ALDH1L2: variants seen among roughly 807,000 people sequenced by gnomAD.
ALDH1L2 encodes aldehyde dehydrogenase 1 family member L2.
A neutral mutation model predicts 111.0 loss-of-function variants in ALDH1L2; 91 were observed. The observed-to-expected ratio is 0.82, with a 90% CI of 0.69 to 0.98. The LOEUF is 0.98. ALDH1L2 is among the 50% of genes least tolerant of loss of function. ALDH1L2 has a pLI of 0.00. For missense variants in ALDH1L2, 995 were observed against 1,126.8 expected (o/e 0.88, Z 1.67); for synonymous variants, 374 against 392.6 (o/e 0.95, Z 0.56).
chr12:105,066,714 A>G (rs1336059393), intron 4 of ALDH1L2, 45 bp from the exon 5 acceptor site: 3 of 1,528,320 alleles, frequency 2.0e-6, no homozygotes, highest in South Asian at 1.1e-5. Context: ...ATGATCAACA[A>G]TGGCATGGTC....
chr12:105,078,648 A>G (rs1308306468), intron 1 of ALDH1L2, among the ~76,000 whole-genome samples: 1 of 152,260 alleles, frequency 6.6e-6, no homozygotes, highest in Non-Finnish European at 1.5e-5. Context: ...TGCGACCCTT[A>G]CACTAAAGAT....
chr12:105,041,901 A>G (rs1875557470), intron 15 of ALDH1L2, among the ~76,000 whole-genome samples: 1 of 152,196 alleles, frequency 6.6e-6, no homozygotes, highest in Admixed American at 6.6e-5. Context: ...TTTCAGGCCC[A>G]ACAAGATATT....
intron 17 of ALDH1L2, among the ~76,000 whole-genome samples, chr12:105,039,384 T>G (rs1362741679): frequency 6.6e-6 from 1 of 152,186 alleles, no homozygotes; most frequent in African/African-American, 2.4e-5. Context: ...AATATATAAA[T>G]TTCACATTTA....
At chr12:105,037,085 A>C (rs1459286537) in intron 18 of ALDH1L2, among the ~76,000 whole-genome samples, 6 of 152,208 alleles carry the variant, frequency 3.9e-5, no homozygotes, top group Non-Finnish European at 8.8e-5. Context: ...TAGGCTGGAC[A>C]GTTGTACAGA....
At position 105,046,928 on chromosome 12, in the gene ALDH1L2, A is replaced by G; in HGVS notation, c.1728T>C (p.Asn576=). ...IPINQARPNR[N]LTFTKKEPLG... The stretch of plus-strand genomic sequence containing the variant: ...GTGGCTCTTTCTTGGTGAAGGTCAG[A>G]TTGCGATTTGGACGGGCCTGGTTGA... The change falls in exon 14 of 23, where the codon AAT becomes AAC. Residue 576 remains asparagine, a synonymous_variant. Coordinates refer to ENST00000258494, the MANE Select transcript of ALDH1L2 (RefSeq NM_001034173.4). 1 of 1,614,188 alleles carries G rather than the reference A, an allele frequency of 6.2e-7. No individual in the cohort carries two copies. Among genetic ancestry groups the G allele is most frequent in the African/African-American group, 1.3e-5 (1 of 75,040 alleles).
intron 13 of ALDH1L2, among the ~76,000 whole-genome samples, chr12:105,049,277 T>C (rs924226661): frequency 4.6e-5 from 7 of 152,196 alleles, no homozygotes; most frequent in African/African-American, 1.7e-4. Flanking sequence ...TCGGAAAATC[T>C]TGACTTCAAA....
At position 105,036,510 on chromosome 12, in the gene ALDH1L2, TATTTTA is replaced by T. The variant is rs1437445111; in HGVS notation, c.2145+1587_2145+1592del. 1.0e-3 allele frequency among the ~76,000 whole-genome samples: 73 copies of T among 71,672 alleles called. 6 individuals are homozygous for T. The highest frequency in any genetic ancestry group is 1.8e-3 in the Non-Finnish European group (63 of 35,468). The allele number at this position is 71,672 out of a possible 152,430, so 47.0% of individuals were successfully genotyped here. A position where few individuals can be genotyped will look rare whatever the true frequency, so the allele number is the denominator to read the frequency against. Reference sequence around the variant, plus strand: ...ACGTATATTTATATATGTATATATATATTTTATATATATATATATATATATATATAT... The same window carrying T: ...ACGTATATTTATATATGTATATATATTATATATATATATATATATATATAT... On this transcript the variant is annotated intron_variant, in intron 18 of 22. Transcript: ENST00000258494.
intron 1 of ALDH1L2, among the ~76,000 whole-genome samples, chr12:105,076,235 T>A (rs1014305319): frequency 6.6e-6 from 1 of 152,184 alleles, no homozygotes; most frequent in Non-Finnish European, 1.5e-5. Flanking sequence ...GACTCAGAAG[T>A]ACATGGAAGT....
intron 12 of ALDH1L2, 71 bp from the exon 13 acceptor site, chr12:105,050,129 C>T (rs1433096383): frequency 7.2e-7 from 1 of 1,394,950 alleles, no homozygotes; most frequent in Admixed American, 2.9e-5. Flanking sequence ...ATGCAGTATC[C>T]TAAGGACGGA....
rs1021008079 is a variant in ALDH1L2, at chr12:105,077,805, G to T, written c.49-3800C>A. 4.6e-5 allele frequency among the ~76,000 whole-genome samples: 7 copies of T among 151,206 alleles called. No homozygotes were observed. In the South Asian group the frequency reaches 8.4e-4, roughly 18 times the overall value. On this transcript the variant is annotated intron_variant, in intron 1 of 22. Coordinates refer to ENST00000258494, the MANE Select transcript of ALDH1L2 (RefSeq NM_001034173.4). ...AAAACTTCAAGGCACAGTGCGAAGAGTCTGCCCTGATCTGAAGCCCTTTGG... is the reference window on the plus strand; with the variant it reads ...AAAACTTCAAGGCACAGTGCGAAGATTCTGCCCTGATCTGAAGCCCTTTGG...
At chr12:105,065,158 C>A in intron 6 of ALDH1L2, 109 bp downstream of exon 6, 1 of 661,826 alleles carries the variant, frequency 1.5e-6, no homozygotes, top group East Asian at 3.4e-5. Context: ...AATCACAGAC[C>A]TGCCTCATGA....
intron 18 of ALDH1L2, among the ~76,000 whole-genome samples, chr12:105,035,841 G>GTC (rs1874960177): frequency 9.4e-6 from 1 of 106,000 alleles, no homozygotes; most frequent in African/African-American, 5.3e-5. Flanking sequence ...ATATATATAT[G>GTC]TGTGTGTGTG....
At chr12:105,069,556 T>C (rs370429745) in intron 3 of ALDH1L2, among the ~76,000 whole-genome samples, 1 of 152,196 alleles carries the variant, frequency 6.6e-6, no homozygotes, top group African/African-American at 2.4e-5. Context: ...ACAGTGTAAA[T>C]TGAGAAAAAG....
intron 17 of ALDH1L2, among the ~76,000 whole-genome samples, chr12:105,038,953 C>G (rs1266013174): frequency 6.6e-6 from 1 of 152,280 alleles, no homozygotes; most frequent in Non-Finnish European, 1.5e-5. Flanking sequence ...TTTAAAAGTA[C>G]GCTGCTTATT....
Position 105,038,092 on chromosome 12 carries a change from C to A in ALDH1L2, c.2145+11G>T, listed in dbSNP as rs766496665. Reference sequence around the variant, plus strand: ...CAGGCACCTATTTACTTAAATTTGACCCTCTCTTACCATTCGCACAGCCTT... The same window carrying A: ...CAGGCACCTATTTACTTAAATTTGAACCTCTCTTACCATTCGCACAGCCTT... On this transcript the variant is annotated intron_variant, in intron 18 of 22. Transcript: ENST00000258494. 29 of 1,608,918 alleles carry A rather than the reference C, an allele frequency of 1.8e-5. No homozygotes were observed. The highest frequency in any genetic ancestry group is 6.6e-5 in the South Asian group (6 of 90,992).
chr12:105,028,422 A>G (rs1285472535), intron 21 of ALDH1L2, among the ~76,000 whole-genome samples: 1 of 152,170 alleles, frequency 6.6e-6, no homozygotes, highest in Non-Finnish European at 1.5e-5. Flanking sequence ...CAAGCCAGGT[A>G]TTTCATCTGG....
chr12:105,070,863 G>T (rs1877647939), intron 2 of ALDH1L2, 59 bp from the exon 3 acceptor site: 5 of 1,312,462 alleles, frequency 3.8e-6, no homozygotes, highest in South Asian at 2.6e-5. Context: ...ACATCACTAT[G>T]AATTCATATG....
Position 105,065,421 on chromosome 12 carries a change from C to G in ALDH1L2, c.697-65G>C. ...GTGAACCTCAAAGGCAATAAAAACG[C>G]TTCTCGTCATCAGAGGCAGAAACAC... On this transcript the variant is annotated intron_variant, in intron 5 of 22. Transcript: ENST00000258494. 3 of 1,361,198 alleles carry G rather than the reference C, an allele frequency of 2.2e-6. No homozygotes were observed. The South Asian group carries it at 3.6e-5, about 16-fold the overall frequency. 84.3% of individuals were successfully genotyped at this position (1,361,198 alleles called of 1,614,324 possible).
intron 10 of ALDH1L2, among the ~76,000 whole-genome samples, chr12:105,055,477 A>G (rs1263860705): frequency 6.6e-6 from 1 of 152,198 alleles, no homozygotes; most frequent in African/African-American, 2.4e-5. Context: ...TGGAGTTACC[A>G]CATTCTATTA....
Sources: gnomAD v4.1 joint callset for allele counts (sites outside exome capture counted in the v4.1 genomes callset) on GRCh38, gnomAD v4.1.1 for gene constraint, MANE v1.5 for transcripts, NCBI Gene and HGNC (gene_info 2026-07-23, HGNC 2026-07-21) for gene names.